Variants in SLC1A6 observed in about 807,000 individuals in gnomAD.
SLC1A6 encodes excitatory amino acid transporter 4.
In SLC1A6, 15 loss-of-function variants were observed where a neutral mutation model predicts 42.1. The observed-to-expected ratio is 0.36, with a 90% CI of 0.24 to 0.55. The LOEUF is 0.55. Ranked by LOEUF, SLC1A6 falls within the 20% of genes least tolerant of loss-of-function variation. The pLI, the probability that SLC1A6 is intolerant of heterozygous loss-of-function variation, is 0.88. For missense variants in SLC1A6, 542 were observed against 772.5 expected, an observed-to-expected ratio of 0.70 and a Z score of 3.54; for synonymous variants, 317 against 319.7, an observed-to-expected ratio of 0.99 and a Z score of 0.09.
At chr19:14,987,864 G>T (rs1243666930) in intron 1 of SLC1A6, among the ~76,000 whole-genome samples, 1 of 152,048 alleles carries the variant, frequency 6.6e-6, no homozygotes, top group Non-Finnish European at 1.5e-5. Flanking sequence ...TATTTGTTTT[G>T]GTTTGGTTTT....
rs533380624 is a variant in SLC1A6, at chr19:15,010,023, A to G, written c.6+462T>C. ...CGAAACCCCGTCTCTACTAAAAAAA[A>G]AAAATGCAAAAAATTAGCTGGGCAT... On this transcript the variant is annotated intron_variant, in intron 1 of 8. Transcript: ENST00000430939. 7.9e-5 allele frequency among the ~76,000 whole-genome samples: 12 copies of G among 151,934 alleles called. No homozygotes were observed. In the East Asian group the frequency reaches 2.1e-3, roughly 27 times the overall value.
At chr19:15,010,475 C>G (rs560277391) in intron 1 of SLC1A6, 1 of 519,194 alleles carries the variant, frequency 1.9e-6, no homozygotes, top group Non-Finnish European at 3.7e-6. Flanking sequence ...GGCCCTTCTT[C>G]CATGCTTACC....
At chr19:15,008,461 G>A (rs2045907210) in intron 1 of SLC1A6, among the ~76,000 whole-genome samples, 1 of 152,092 alleles carries the variant, frequency 6.6e-6, no homozygotes, top group South Asian at 2.1e-4. Context: ...ACTGTTGGTG[G>A]GGATGCAAAT....
At chr19:14,951,220 C>T (rs1000312614) in intron 9 of SLC1A6, among the ~76,000 whole-genome samples, 1 of 130,054 alleles carries the variant, frequency 7.7e-6, no homozygotes, top group African/African-American at 2.9e-5. Flanking sequence ...CCACTGCACT[C>T]CAGCTTGGGT....
intron 1 of SLC1A6, among the ~76,000 whole-genome samples, chr19:15,006,546 AC>A: frequency 6.9e-6 from 1 of 144,246 alleles, no homozygotes; most frequent in East Asian, 2.1e-4. Context: ...TATTCCCCCC[AC>A]CCCCCATTAC....
intron 3 of SLC1A6, among the ~76,000 whole-genome samples, chr19:14,969,876 AC>A (rs1440549846): frequency 2.6e-5 from 4 of 152,196 alleles, no homozygotes; most frequent in Non-Finnish European, 5.9e-5. Flanking sequence ...AGAATCGAGT[AC>A]AATTGACCCT....
chr19:14,974,611 A>C (rs2045683105), intron 1 of SLC1A6: 1 of 152,026 alleles, frequency 6.6e-6, no homozygotes, highest in African/African-American at 2.4e-5. Context: ...AAAAGCCTAC[A>C]TTAAAATTCT....
chr19:14,997,594 C>T (rs7257548), intron 1 of SLC1A6, among the ~76,000 whole-genome samples: 114,206 of 152,052 alleles, frequency 0.75, 42,980 homozygotes, highest in South Asian at 0.81. Flanking sequence ...GCTGCTTCTC[C>T]CTTGCTCTGC....
At chr19:14,995,170 C>T (rs867582136) in intron 1 of SLC1A6, among the ~76,000 whole-genome samples, 1 of 151,550 alleles carries the variant, frequency 6.6e-6, no homozygotes, top group African/African-American at 2.4e-5. Flanking sequence ...ACTAATAATA[C>T]AAAAATTAGC....
intron 1 of SLC1A6, chr19:14,977,373 G>A (rs887627570): frequency 6.6e-6 from 1 of 152,206 alleles, no homozygotes; most frequent in African/African-American, 2.4e-5. Context: ...AAGCTACAAT[G>A]CCTGAGTTGA....
At chr19:14,996,528 T>TTTCTTC (rs200628639) in intron 1 of SLC1A6, among the ~76,000 whole-genome samples, 6,384 of 125,900 alleles carry the variant, frequency 0.051, 315 homozygotes, top group East Asian at 0.071. Context: ...CCTCCTCCTC[T>TTTCTTC]TTCTTCTTCT....
chr19:15,003,591 GAA>G (rs761535085), intron 1 of SLC1A6, among the ~76,000 whole-genome samples: 142 of 145,628 alleles, frequency 9.8e-4, no homozygotes, highest in Non-Finnish European at 1.5e-3. Context: ...AGACATCGGG[GAA>G]CCTAAAAAGG....
At chr19:14,959,118 C>T (rs769605931) in intron 6 of SLC1A6, among the ~76,000 whole-genome samples, 19 of 152,214 alleles carry the variant, frequency 1.2e-4, no homozygotes, top group Non-Finnish European at 2.1e-4. Context: ...GTACATTCTA[C>T]GTCCTTGTAC....
chr19:14,954,427 C>A, intron 7 of SLC1A6, 98 bp from the exon 8 acceptor site: 3 of 1,109,350 alleles, frequency 2.7e-6, no homozygotes, highest in Non-Finnish European at 4.0e-6. Context: ...GAGAATGGGG[C>A]GTGGCCGAAG....
At chr19:14,978,918 A>G (rs1242768466) in intron 1 of SLC1A6, among the ~76,000 whole-genome samples, 1 of 151,978 alleles carries the variant, frequency 6.6e-6, no homozygotes, top group African/African-American at 2.4e-5. Flanking sequence ...AGAAACACAC[A>G]CACACACACT....
At chr19:14,993,066 G>T (rs1400272828) in intron 1 of SLC1A6, among the ~76,000 whole-genome samples, 1 of 152,118 alleles carries the variant, frequency 6.6e-6, no homozygotes, top group Non-Finnish European at 1.5e-5. Context: ...AGGTCTCCCC[G>T]TCCTGATCCC....
At chr19:15,007,733 C>T (rs187887972) in intron 1 of SLC1A6, among the ~76,000 whole-genome samples, 4 of 152,110 alleles carry the variant, frequency 2.6e-5, no homozygotes, top group Admixed American at 1.3e-4. Context: ...CAATTAAAAT[C>T]ACAATGAGAG....
intron 4 of SLC1A6, among the ~76,000 whole-genome samples, chr19:14,966,747 G>T (rs929350341): frequency 1.3e-5 from 2 of 151,896 alleles, no homozygotes; most frequent in African/African-American, 4.9e-5. Context: ...GAAGCTGGAA[G>T]CCATCATTCT....
At chr19:14,991,423 A>G (rs9789305) in intron 1 of SLC1A6, among the ~76,000 whole-genome samples, 16,424 of 152,100 alleles carry the variant, frequency 0.11, 1,243 homozygotes, top group East Asian at 0.33. Flanking sequence ...TCAGGAGTTC[A>G]AGCCCCCTGG....
Sources: gnomAD v4.1 joint callset for allele counts (sites outside exome capture counted in the v4.1 genomes callset) on GRCh38, gnomAD v4.1.1 for gene constraint, MANE v1.5 for transcripts, NCBI Gene and HGNC (gene_info 2026-07-23, HGNC 2026-07-21) for gene names.